MAN1C1: variants seen among roughly 807,000 people sequenced by gnomAD.
The protein encoded by MAN1C1 is mannosidase alpha class 1C member 1.
MAN1C1 carries 49 observed loss-of-function variants against 71.5 expected under a neutral mutation model. That is an observed-to-expected ratio of 0.69 (90% CI 0.54 to 0.87). The LOEUF is 0.87. Among genes scored for constraint, MAN1C1 ranks in the 40% least tolerant of loss-of-function variants. MAN1C1 has a pLI of 0.00. For missense variants in MAN1C1, 743 were observed against 835.0 expected (o/e 0.89, Z 1.36); for synonymous variants, 352 against 343.7 (o/e 1.02, Z -0.27).
Position 25,783,963 on chromosome 1 carries a change from G to A in MAN1C1, c.*174G>A. The A allele has an allele frequency of 1.2e-6, 1 of 817,130 alleles. No homozygotes were observed. Among genetic ancestry groups the A allele is most frequent in the East Asian group, 2.7e-5 (1 of 36,414 alleles). 50.6% of individuals were successfully genotyped at this position (817,130 alleles called of 1,614,324 possible). A position where few individuals can be genotyped will look rare whatever the true frequency, so the allele number is the denominator to read the frequency against. On this transcript the variant is annotated 3_prime_UTR_variant, in exon 12 of 12. Transcript: ENST00000374332. ...TGAGGAGACAAGACTTGGAGACTCAGCGATGTCAGGCCAGGGCCATGGCCA... is the reference window on the plus strand; with the variant it reads ...TGAGGAGACAAGACTTGGAGACTCAACGATGTCAGGCCAGGGCCATGGCCA...
At chr1:25,625,505 T>C (rs576644099) in intron 1 of MAN1C1, among the ~76,000 whole-genome samples, 1 of 152,270 alleles carries the variant, frequency 6.6e-6, no homozygotes, top group South Asian at 2.1e-4. Flanking sequence ...GTTTTGCCTG[T>C]TCTAGAACTT....
chr1:25,679,950 A>AAT lies in MAN1C1; in HGVS notation c.541-6462_541-6461dup, dbSNP rs71576063. Among the ~76,000 whole-genome samples, 373 of 117,184 alleles carry AAT rather than the reference A, an allele frequency of 3.2e-3. 3 individuals carry two copies. Among genetic ancestry groups the AAT allele is most frequent in the South Asian group, 4.8e-3 (19 of 3,938 alleles). The allele number at this position is 117,184 out of a possible 152,430, so 76.9% of individuals were successfully genotyped here. A position where few individuals can be genotyped will look rare whatever the true frequency, so the allele number is the denominator to read the frequency against. On this transcript the variant is annotated intron_variant, in intron 1 of 11. Coordinates refer to ENST00000374332, the MANE Select transcript of MAN1C1 (RefSeq NM_020379.4). Reference sequence around the variant, plus strand: ...AGACCTCTGTCTCAAAAAAAAAAAAAATATATATATATATATATATATATA... The same window carrying AAT: ...AGACCTCTGTCTCAAAAAAAAAAAAAATATATATATATATATATATATATATA...
chr1:25,754,554 G>A (rs2047260206), intron 5 of MAN1C1, among the ~76,000 whole-genome samples: 1 of 151,952 alleles, frequency 6.6e-6, no homozygotes, highest in Admixed American at 6.5e-5. Flanking sequence ...GTGCTCTCGG[G>A]GGCCGGAGAA....
chr1:25,732,906 G>C, intron 2 of MAN1C1, among the ~76,000 whole-genome samples: 1 of 152,116 alleles, frequency 6.6e-6, no homozygotes, highest in African/African-American at 2.4e-5. Context: ...CCATGCATCT[G>C]CACCTCTTGG....
intron 2 of MAN1C1, among the ~76,000 whole-genome samples, chr1:25,704,689 A>T (rs994707795): frequency 6.6e-6 from 1 of 152,198 alleles, no homozygotes; most frequent in Admixed American, 6.5e-5. Context: ...ATCCTGTTAA[A>T]ATGTCTCTCC....
chr1:25,767,013 T>G (rs990824116), intron 7 of MAN1C1, among the ~76,000 whole-genome samples: 2 of 151,882 alleles, frequency 1.3e-5, no homozygotes, highest in Admixed American at 1.3e-4. Flanking sequence ...CGTGCCCCCT[T>G]CACACATCTG....
chr1:25,747,292 C>T (rs1157730475), intron 3 of MAN1C1, among the ~76,000 whole-genome samples: 1 of 152,212 alleles, frequency 6.6e-6, no homozygotes, highest in African/African-American at 2.4e-5. Context: ...CCTGGGACCT[C>T]TTGGTCTCCA....
chr1:25,617,962 C>T lies in MAN1C1; in HGVS notation c.165C>T (p.Ala55=), dbSNP rs771466208. ...HSSRLKRLFL[A]PRTQQPGLEV... ...CTCGCCTCAAGCGCCTCTTCCTGGC[C>T]CCCCGGACCCAGCAGCCTGGTCTGG... The change falls in exon 1 of 12, where the codon GCC becomes GCT. Residue 55 remains alanine, a synonymous_variant. Transcript: ENST00000374332. This position sits in a 1 kb window ranked among gnomAD's most constrained non-coding sequence, Gnocchi z 5.1. 6.2e-7 allele frequency: 1 copy of T among 1,608,736 alleles called. No homozygotes were observed. The highest frequency in any genetic ancestry group is 1.7e-5 in the Admixed American group (1 of 59,732).
chr1:25,687,999 A>G (rs937736790), intron 2 of MAN1C1, among the ~76,000 whole-genome samples: 2 of 152,098 alleles, frequency 1.3e-5, no homozygotes, highest in African/African-American at 4.8e-5. Flanking sequence ...AGTCATCTAA[A>G]TGTTTTCATA....
At chr1:25,768,082 CA>C (rs1260626823) in intron 7 of MAN1C1, among the ~76,000 whole-genome samples, 1 of 63,314 alleles carries the variant, frequency 1.6e-5, no homozygotes, top group Non-Finnish European at 2.8e-5. Flanking sequence ...CACTCCCCCC[CA>C]CACACAGACC....
chr1:25,748,552 A>C (rs2047169505), intron 3 of MAN1C1, among the ~76,000 whole-genome samples: 1 of 152,192 alleles, frequency 6.6e-6, no homozygotes, highest in Admixed American at 6.5e-5. Context: ...GAAATGGGGC[A>C]GGGAAAGGCT....
chr1:25,754,054 T>G (rs2047252648), intron 5 of MAN1C1, among the ~76,000 whole-genome samples: 1 of 152,044 alleles, frequency 6.6e-6, no homozygotes, highest in African/African-American at 2.4e-5. Flanking sequence ...TGCTAGGAGA[T>G]CTCAGGATCC....
intron 1 of MAN1C1, among the ~76,000 whole-genome samples, chr1:25,655,374 G>A (rs907678997): frequency 6.6e-6 from 1 of 152,192 alleles, no homozygotes; most frequent in Non-Finnish European, 1.5e-5. Context: ...AGGTGAGGGC[G>A]AGCTGAAGAA....
rs1442574725 is a variant in MAN1C1 at position 25,633,223 on chromosome 1, A to G, written c.540+14886A>G. Reference sequence around the variant, plus strand: ...TGTTTTGTGTCCTATCATATGGTCTATCTTGGAGAATGTTCTATGTGCTGA... The same window carrying G: ...TGTTTTGTGTCCTATCATATGGTCTGTCTTGGAGAATGTTCTATGTGCTGA... On this transcript the variant is annotated intron_variant, in intron 1 of 11. Transcript: ENST00000374332. 3.3e-5 allele frequency among the ~76,000 whole-genome samples: 5 copies of G among 152,300 alleles called. 1 individual carries two copies. The East Asian group carries it at 7.7e-4, about 23-fold the overall frequency.
At chr1:25,639,275 T>A (rs988021890) in intron 1 of MAN1C1, among the ~76,000 whole-genome samples, 2 of 152,192 alleles carry the variant, frequency 1.3e-5, no homozygotes, top group Non-Finnish European at 2.9e-5. Flanking sequence ...TCCTAAAGCA[T>A]ATTTATAATA....
chr1:25,706,358 C>T (rs1456271541), intron 2 of MAN1C1, among the ~76,000 whole-genome samples: 1 of 152,164 alleles, frequency 6.6e-6, no homozygotes, highest in Non-Finnish European at 1.5e-5. Flanking sequence ...GATTCTCAGT[C>T]CCTGGGAGGT....
intron 1 of MAN1C1, among the ~76,000 whole-genome samples, chr1:25,662,321 C>T (rs773696811): frequency 4.6e-5 from 7 of 152,108 alleles, no homozygotes; most frequent in African/African-American, 7.2e-5. Context: ...TTCTGGAGAA[C>T]GAGCCTTCAT....
intron 1 of MAN1C1, among the ~76,000 whole-genome samples, chr1:25,656,095 C>CTTTTTTTATTTTTTTTT (rs2045761247): frequency 1.3e-5 from 1 of 74,988 alleles, no homozygotes; most frequent in African/African-American, 8.2e-5. Context: ...GATTATCAGT[C>CTTTTTTTATTTTTTTTT]TTTTTTTTTT....
chr1:25,621,213 G>C (rs1378757670), intron 1 of MAN1C1, among the ~76,000 whole-genome samples: 1 of 152,216 alleles, frequency 6.6e-6, no homozygotes, highest in Non-Finnish European at 1.5e-5. Context: ...GAGATATCTT[G>C]TACTGGAAAT....
Sources: allele counts gnomAD v4.1 joint callset (sites outside exome capture counted in the v4.1 genomes callset), GRCh38; gene constraint gnomAD v4.1.1; non-coding constraint Gnocchi (gnomAD v3.1); transcripts MANE v1.5; gene names NCBI Gene and HGNC (gene_info 2026-07-23, HGNC 2026-07-21).